The following CDH18 variants were observed in gnomAD, a reference collection of about 807,000 sequenced individuals.
CDH18 encodes the protein cadherin 18, also known as cadherin-18.
In CDH18, 31 loss-of-function variants were observed where a neutral mutation model predicts 67.9. The ratio of observed to expected loss-of-function variants is 0.46; its 90% confidence interval spans 0.34 to 0.62. The LOEUF is 0.62. CDH18 is among the 20% of genes least tolerant of loss of function. The pLI, the probability that CDH18 is intolerant of heterozygous loss-of-function variation, is 0.01. For synonymous variants in CDH18, 362 were observed against 347.2 expected, an observed-to-expected ratio of 1.04 and a Z score of -0.48; for missense variants, 890 against 975.5, an observed-to-expected ratio of 0.91 and a Z score of 1.17.
chr5:19,949,769 T>C (rs1036003779), intron 2 of CDH18, among the ~76,000 whole-genome samples: 2 of 151,966 alleles, frequency 1.3e-5, no homozygotes, highest in African/African-American at 4.8e-5. Flanking sequence ...TAAAAGAAAA[T>C]GATGAATCCC....
intron 8 of CDH18, among the ~76,000 whole-genome samples, chr5:19,571,104 C>A (rs920737595): frequency 6.6e-6 from 1 of 152,180 alleles, no homozygotes; most frequent in African/African-American, 2.4e-5. Context: ...TGCATCCTCA[C>A]GATAGCTCTG....
At chr5:20,342,882 T>C (rs1740390214) in intron 1 of CDH18, among the ~76,000 whole-genome samples, 1 of 152,158 alleles carries the variant, frequency 6.6e-6, no homozygotes, top group Non-Finnish European at 1.5e-5. Flanking sequence ...AGAGAGATTG[T>C]GATGGTGGAG....
At chr5:19,961,750 T>C (rs115336883) in intron 2 of CDH18, among the ~76,000 whole-genome samples, 1,543 of 152,238 alleles carry the variant, frequency 0.01, 32 homozygotes, top group African/African-American at 0.035. Context: ...AATGTTTCGA[T>C]ACATACCATA....
chr5:20,167,917 G>A (rs895492485), intron 2 of CDH18, among the ~76,000 whole-genome samples: 1 of 152,150 alleles, frequency 6.6e-6, no homozygotes, highest in Admixed American at 6.6e-5. Context: ...TAGTCCATGC[G>A]GGTTAGCTTC....
At chr5:20,467,667 T>A (rs1473312014) in intron 1 of CDH18, among the ~76,000 whole-genome samples, 1 of 152,204 alleles carries the variant, frequency 6.6e-6, no homozygotes, top group Non-Finnish European at 1.5e-5. Context: ...AACACATATT[T>A]ATTGAATGAA....
intron 1 of CDH18, among the ~76,000 whole-genome samples, chr5:20,487,880 T>C (rs948171531): frequency 6.6e-6 from 1 of 152,074 alleles, no homozygotes; most frequent in Non-Finnish European, 1.5e-5. Context: ...TTAGCCATGT[T>C]TAATTTTCTT....
At chr5:20,242,638 A>ATATATATACATATATATG (rs1743065808) in intron 2 of CDH18, among the ~76,000 whole-genome samples, 1 of 109,494 alleles carries the variant, frequency 9.1e-6, no homozygotes, top group African/African-American at 5.3e-5. Flanking sequence ...ATATATGTAT[A>ATATATATACATATATATG]TATATATATA....
chr5:19,946,888 G>A (rs1186092561), intron 2 of CDH18, among the ~76,000 whole-genome samples: 5 of 151,900 alleles, frequency 3.3e-5, no homozygotes, highest in Non-Finnish European at 7.4e-5. Context: ...AATTTACATC[G>A]GTCAAGTGGG....
intron 6 of CDH18, among the ~76,000 whole-genome samples, chr5:19,599,181 T>C (rs10461988): frequency 0.079 from 11,998 of 152,158 alleles, 771 homozygotes; most frequent in East Asian, 0.26. Flanking sequence ...CATACACAAA[T>C]ATATGTACAC....
chr5:19,649,724 A>T (rs975395507), intron 5 of CDH18, among the ~76,000 whole-genome samples: 8 of 152,170 alleles, frequency 5.3e-5, no homozygotes, highest in African/African-American at 1.9e-4. Context: ...AGGCTTTTGA[A>T]AAAATGGTAT....
Position 20,049,676 on chromosome 5 carries a change from C to T in CDH18, c.-517-57662G>A, listed in dbSNP as rs570723329. Reference sequence around the variant, plus strand: ...GGCTTCACGGTAATATTTTAATAGTCGTAATAATGGATCTCAATGGATTTC... The same window carrying T: ...GGCTTCACGGTAATATTTTAATAGTTGTAATAATGGATCTCAATGGATTTC... On this transcript the variant is annotated intron_variant, in intron 2 of 14. Coordinates refer to the CDH18 transcript ENST00000507958. Among the ~76,000 whole-genome samples, 527 of 151,722 alleles carry T rather than the reference C, an allele frequency of 3.5e-3. 4 individuals are homozygous for T. The highest frequency in any genetic ancestry group is 6.0e-3 in the Admixed American group (91 of 15,180).
At chr5:19,510,076 C>T (rs193150773) in intron 10 of CDH18, among the ~76,000 whole-genome samples, 1 of 152,094 alleles carries the variant, frequency 6.6e-6, no homozygotes, top group African/African-American at 2.4e-5. Context: ...TAGAAATATC[C>T]GTAATTTGAA....
intron 1 of CDH18, among the ~76,000 whole-genome samples, chr5:20,483,635 G>A (rs1752971338): frequency 6.7e-6 from 1 of 148,376 alleles, no homozygotes; most frequent in African/African-American, 2.5e-5. Flanking sequence ...ACAGTGAACT[G>A]ATTTTCAAGA....
At chr5:20,406,163 G>A (rs866744686) in intron 1 of CDH18, among the ~76,000 whole-genome samples, 24 of 152,268 alleles carry the variant, frequency 1.6e-4, no homozygotes, top group Middle Eastern at 3.4e-3. Context: ...ATTGACAATA[G>A]CAAAGACTTG....
At chr5:19,864,362 A>C (rs1463365492) in intron 2 of CDH18, among the ~76,000 whole-genome samples, 1 of 114,446 alleles carries the variant, frequency 8.7e-6, no homozygotes, top group African/African-American at 3.4e-5. Flanking sequence ...GGAACATCAC[A>C]CTCTGGGGAC....
chr5:20,034,807 T>A (rs975348471), intron 2 of CDH18, among the ~76,000 whole-genome samples: 1 of 151,946 alleles, frequency 6.6e-6, no homozygotes, highest in African/African-American at 2.4e-5. Context: ...TCTCTTTCCA[T>A]AGATAGATAG....
intron 12 of CDH18, among the ~76,000 whole-genome samples, chr5:19,479,606 ATCT>A (rs1739057854): frequency 6.6e-6 from 1 of 152,102 alleles, no homozygotes; most frequent in Non-Finnish European, 1.5e-5. Flanking sequence ...CACCAATTCC[ATCT>A]TCTTCTCTTT....
chr5:20,463,302 G>GAA (rs140023840), intron 1 of CDH18, among the ~76,000 whole-genome samples: 2 of 139,168 alleles, frequency 1.4e-5, no homozygotes, highest in South Asian at 2.3e-4. Context: ...AGTAAAACAA[G>GAA]AAAAAAAAAA....
intron 2 of CDH18, chr5:19,886,313 G>C (rs1328915013): frequency 6.6e-6 from 1 of 152,098 alleles, no homozygotes; most frequent in African/African-American, 2.4e-5. Context: ...TTCGTGACAT[G>C]GTGAGTCAAA....
Sources: gnomAD v4.1 joint callset for allele counts (sites outside exome capture counted in the v4.1 genomes callset) on GRCh38, gnomAD v4.1.1 for gene constraint, MANE v1.5 for transcripts, NCBI Gene and HGNC (gene_info 2026-07-23, HGNC 2026-07-21) for gene names.